Variants in LRP1B observed in about 807,000 individuals in gnomAD.
The protein encoded by LRP1B is low-density lipoprotein receptor-related protein 1B.
LRP1B carries 217 observed loss-of-function variants against 556.6 expected under a neutral mutation model. That is an observed-to-expected ratio of 0.39 (90% confidence interval 0.35 to 0.44). The LOEUF (loss-of-function observed/expected upper bound fraction) is 0.44. Among genes scored for constraint, LRP1B ranks in the 20% least tolerant of loss-of-function variants. LRP1B has a pLI of 1.00. For synonymous variants in LRP1B, 2,047 were observed against 1,865.8 expected, an observed-to-expected ratio of 1.10 and a Z score of -2.50; for missense variants, 5,053 against 5,620.8, an observed-to-expected ratio of 0.90 and a Z score of 3.23.
intron 45 of LRP1B, among the ~76,000 whole-genome samples, chr2:140,540,454 T>A (rs1680092192): frequency 6.6e-6 from 1 of 152,140 alleles, no homozygotes; most frequent in Admixed American, 6.6e-5. Flanking sequence ...AAGTTTGTAA[T>A]GCCTTTGGGA....
At chr2:141,315,537 G>A (rs1205421525) in intron 3 of LRP1B, among the ~76,000 whole-genome samples, 1 of 151,828 alleles carries the variant, frequency 6.6e-6, no homozygotes, top group Non-Finnish European at 1.5e-5. Context: ...GGGATTACAG[G>A]TGTGAGCCAC....
chr2:140,735,816 C>T (rs1687927534), intron 35 of LRP1B, among the ~76,000 whole-genome samples: 1 of 152,108 alleles, frequency 6.6e-6, no homozygotes. Context: ...TGGAGAATTA[C>T]TGGGCCTCAA....
chr2:141,894,477 C>T (rs1699380109), intron 1 of LRP1B, among the ~76,000 whole-genome samples: 1 of 151,864 alleles, frequency 6.6e-6, no homozygotes, highest in African/African-American at 2.4e-5. Context: ...ATTTAATTGT[C>T]ACAAACCAGC....
intron 2 of LRP1B, among the ~76,000 whole-genome samples, chr2:141,758,510 A>G (rs952155941): frequency 2.0e-5 from 3 of 152,146 alleles, no homozygotes; most frequent in African/African-American, 7.2e-5. Context: ...AGTATTATGA[A>G]TAATACATAA....
intron 41 of LRP1B, among the ~76,000 whole-genome samples, chr2:140,680,881 G>C (rs1685836281): frequency 6.6e-6 from 1 of 152,174 alleles, no homozygotes; most frequent in Admixed American, 6.5e-5. Context: ...CTTTAAATAT[G>C]ATTTACACTT....
chr2:140,835,184 A>C (rs926115137), intron 31 of LRP1B, among the ~76,000 whole-genome samples: 1 of 152,228 alleles, frequency 6.6e-6, no homozygotes, highest in Non-Finnish European at 1.5e-5. Context: ...TTAGTAGGGA[A>C]GACTTGCATC....
chr2:141,212,794 C>A (rs1250733475), intron 6 of LRP1B, among the ~76,000 whole-genome samples: 1 of 151,984 alleles, frequency 6.6e-6, no homozygotes, highest in African/African-American at 2.4e-5. Context: ...TACAGGAAGT[C>A]ATCATTTAAT....
intron 43 of LRP1B, among the ~76,000 whole-genome samples, chr2:140,554,716 C>T (rs1007148902): frequency 6.6e-6 from 1 of 151,538 alleles, no homozygotes; most frequent in African/African-American, 2.4e-5. Flanking sequence ...TTTTTGTAAC[C>T]CAAGTGCTTA....
chr2:140,412,908 A>G (rs1378188664), intron 66 of LRP1B, among the ~76,000 whole-genome samples: 1 of 152,136 alleles, frequency 6.6e-6, no homozygotes, highest in Non-Finnish European at 1.5e-5. Flanking sequence ...TATGTTTATG[A>G]TATAAAACAA....
At chr2:141,055,411 A>C in intron 9 of LRP1B, 152 bp from the exon 10 acceptor site, 2 of 668,372 alleles carry the variant, frequency 3.0e-6, no homozygotes, top group South Asian at 4.7e-5. Flanking sequence ...TCGAATGCAA[A>C]AGAGTGTAAA....
At chr2:140,774,182 T>A (rs971681999) in intron 33 of LRP1B, among the ~76,000 whole-genome samples, 2 of 152,200 alleles carry the variant, frequency 1.3e-5, no homozygotes, top group Admixed American at 1.3e-4. Flanking sequence ...AATGGGATTG[T>A]CTTTAATACA....
At chr2:141,823,676 G>C (rs1022650286) in intron 1 of LRP1B, among the ~76,000 whole-genome samples, 1 of 152,118 alleles carries the variant, frequency 6.6e-6, no homozygotes, top group East Asian at 1.9e-4. Context: ...AGATTTTGCT[G>C]TTGTTATTAT....
chr2:140,522,857 C>T lies in LRP1B; in HGVS notation c.8026+2987G>A, dbSNP rs188073375. ...AATTGAGTAAGGAAGACATTGAAAA[C>T]ATGAATAGATCAATGAGTTCTAAAA... On this transcript the variant is annotated intron_variant, in intron 49 of 90. Coordinates refer to ENST00000389484, the MANE Select transcript of LRP1B (RefSeq NM_018557.3). Among the ~76,000 whole-genome samples, 71 of 151,798 alleles carry T rather than the reference C, an allele frequency of 4.7e-4. 1 individual carries two copies. In the East Asian group the frequency reaches 4.8e-3, roughly 10 times the overall value.
intron 20 of LRP1B, among the ~76,000 whole-genome samples, chr2:140,924,578 G>T (rs1694833128): frequency 6.6e-6 from 1 of 152,022 alleles, no homozygotes; most frequent in Non-Finnish European, 1.5e-5. Flanking sequence ...CAAGGGTAAA[G>T]AAGTTCCATT....
intron 87 of LRP1B, among the ~76,000 whole-genome samples, chr2:140,245,992 A>AT: frequency 6.6e-6 from 1 of 151,326 alleles, no homozygotes; most frequent in African/African-American, 2.4e-5. Context: ...CCTATTTTCC[A>AT]TTTTTCAAAG....
chr2:140,350,575 T>A (rs1681911448), intron 77 of LRP1B, among the ~76,000 whole-genome samples: 1 of 151,996 alleles, frequency 6.6e-6, no homozygotes. Flanking sequence ...TATATAATAG[T>A]CAAATACATT....
At chr2:141,953,157 C>T (rs1701157913) in intron 1 of LRP1B, among the ~76,000 whole-genome samples, 1 of 151,918 alleles carries the variant, frequency 6.6e-6, no homozygotes, top group African/African-American at 2.4e-5. Context: ...CATGAATAAG[C>T]ATTTTGAGTG....
intron 12 of LRP1B, among the ~76,000 whole-genome samples, chr2:141,017,359 A>G (rs899376401): frequency 6.6e-6 from 1 of 150,610 alleles, no homozygotes; most frequent in African/African-American, 2.4e-5. Context: ...GTTCATTTAT[A>G]ACATTAATAT....
intron 6 of LRP1B, among the ~76,000 whole-genome samples, chr2:141,208,649 C>T (rs767062003): frequency 2.6e-5 from 4 of 151,776 alleles, no homozygotes; most frequent in African/African-American, 9.7e-5. Context: ...AGGTAGATCA[C>T]GAGGTCAGGA....
Sources: gnomAD v4.1 joint callset for allele counts (sites outside exome capture counted in the v4.1 genomes callset) on GRCh38, gnomAD v4.1.1 for gene constraint, MANE v1.5 for transcripts, NCBI Gene and HGNC (gene_info 2026-07-23, HGNC 2026-07-21) for gene names.